PPP3CA: variants seen among roughly 807,000 people sequenced by gnomAD.
PPP3CA encodes the protein protein phosphatase 3 catalytic subunit alpha.
Under a neutral mutation model 66.5 loss-of-function variants are expected in PPP3CA, and 14 were observed. That is an observed-to-expected ratio of 0.21 (90% CI 0.14 to 0.33). The LOEUF (loss-of-function observed/expected upper bound fraction) is 0.33. Among genes scored for constraint, PPP3CA ranks in the 10% least tolerant of loss-of-function variants. The pLI is 1.00. For synonymous variants in PPP3CA, 232 were observed against 226.2 expected (o/e 1.03, Z -0.23); for missense variants, 317 against 639.5 (o/e 0.50, Z 5.44).
At chr4:101,211,784 A>T (rs1725307289) in intron 1 of PPP3CA, among the ~76,000 whole-genome samples, 1 of 152,198 alleles carries the variant, frequency 6.6e-6, no homozygotes, top group South Asian at 2.1e-4. Flanking sequence ...TTTAAAAAGC[A>T]TGTTAGTTAA....
At chr4:101,047,508 G>A (rs901235579) in intron 10 of PPP3CA, among the ~76,000 whole-genome samples, 6 of 152,136 alleles carry the variant, frequency 3.9e-5, no homozygotes, top group African/African-American at 1.2e-4. Flanking sequence ...AGAAAAGTCC[G>A]TGAATAAAAT....
At chr4:101,100,049 C>T (rs924248042) in intron 3 of PPP3CA, among the ~76,000 whole-genome samples, 4 of 151,760 alleles carry the variant, frequency 2.6e-5, no homozygotes, top group African/African-American at 9.7e-5. Context: ...AGGGAAGAAA[C>T]TTAACTAAAA....
chr4:101,270,801 A>G (rs1727314236), intron 1 of PPP3CA, among the ~76,000 whole-genome samples: 1 of 152,174 alleles, frequency 6.6e-6, no homozygotes, highest in Non-Finnish European at 1.5e-5. Context: ...GGTATATTTT[A>G]CATTCCAAAA....
chr4:101,080,497 A>T, intron 8 of PPP3CA, 35 bp downstream of exon 8: 1 of 1,138,326 alleles, frequency 8.8e-7, no homozygotes, highest in East Asian at 2.5e-5. Context: ...TACACATATT[A>T]TGTAAGACTG....
intron 10 of PPP3CA, among the ~76,000 whole-genome samples, chr4:101,042,250 A>C (rs1054380243): frequency 7.0e-6 from 1 of 142,612 alleles, no homozygotes; most frequent in African/African-American, 2.7e-5. Context: ...CTGGGTGGGT[A>C]ATCTTTCAGA....
intron 8 of PPP3CA, among the ~76,000 whole-genome samples, chr4:101,073,760 A>G (rs1052735184): frequency 1.2e-4 from 19 of 152,216 alleles, no homozygotes; most frequent in Non-Finnish European, 8.8e-5. Context: ...TATCAAATAA[A>G]TGAAGGAATG....
At chr4:101,072,275 A>G (rs1229041773) in intron 8 of PPP3CA, among the ~76,000 whole-genome samples, 1 of 152,216 alleles carries the variant, frequency 6.6e-6, no homozygotes. Flanking sequence ...TTTCTTATTG[A>G]AGAATGGTTA....
intron 13 of PPP3CA, among the ~76,000 whole-genome samples, chr4:101,027,526 A>G (rs1726714860): frequency 6.6e-6 from 1 of 152,190 alleles, no homozygotes; most frequent in Admixed American, 6.5e-5. Context: ...TTCTTCTCTA[A>G]TTTAGTAATA....
At chr4:101,229,980 T>A (rs1391949240) in intron 1 of PPP3CA, among the ~76,000 whole-genome samples, 3 of 151,602 alleles carry the variant, frequency 2.0e-5, no homozygotes, top group Admixed American at 6.6e-5. Flanking sequence ...TTGGAACCAT[T>A]TATCACCAGT....
At position 101,289,681 on chromosome 4, in the gene PPP3CA, AT is replaced by A. The variant is rs397879760; in HGVS notation, c.58+57057del. On this transcript the variant is annotated intron_variant, in intron 1 of 13. Coordinates refer to ENST00000394854, the MANE Select transcript of PPP3CA (RefSeq NM_000944.5). Reference sequence around the variant, plus strand: ...TAATTTAGTGTATACATTTTCATAGATTTTTTTATACATAATATATGCATAT... The same window carrying A: ...TAATTTAGTGTATACATTTTCATAGATTTTTTATACATAATATATGCATAT... Among the ~76,000 whole-genome samples the A allele has an allele frequency of 4.1e-3, 624 of 152,140 alleles. 7 individuals are homozygous for A. The highest frequency in any genetic ancestry group is 0.013 in the African/African-American group (547 of 41,510).
chr4:101,343,273 GGGT>G, intron 1 of PPP3CA, among the ~76,000 whole-genome samples: 1 of 152,126 alleles, frequency 6.6e-6, no homozygotes, highest in Non-Finnish European at 1.5e-5. Context: ...TTATCACATA[GGGT>G]TTAATTTCCT....
chr4:101,314,807 C>CTTCTGT (rs1728836264), intron 1 of PPP3CA, among the ~76,000 whole-genome samples: 1 of 151,866 alleles, frequency 6.6e-6, no homozygotes. Context: ...TATAAAAATT[C>CTTCTGT]TTCTGTTTCT....
chr4:101,176,110 T>C (rs1461445758), intron 2 of PPP3CA, among the ~76,000 whole-genome samples: 1 of 151,960 alleles, frequency 6.6e-6, no homozygotes, highest in African/African-American at 2.4e-5. Context: ...CCAAACATGA[T>C]GTAAGAAAGC....
At chr4:101,245,669 T>C (rs1726453376) in intron 1 of PPP3CA, among the ~76,000 whole-genome samples, 1 of 152,072 alleles carries the variant, frequency 6.6e-6, no homozygotes. Flanking sequence ...AAATCCTATA[T>C]TGGTTCCATC....
At chr4:101,026,713 T>C (rs1384999678) in intron 13 of PPP3CA, among the ~76,000 whole-genome samples, 1 of 151,428 alleles carries the variant, frequency 6.6e-6, no homozygotes, top group African/African-American at 2.4e-5. Flanking sequence ...GTGGAGTGAG[T>C]GACAAGGTAA....
rs529113521 is a variant in PPP3CA, at chr4:101,295,233, G to A, written c.58+51506C>T. On this transcript the variant is annotated intron_variant, in intron 1 of 13. Transcript: ENST00000394854. ...GGAGAATGGCGTGAACCCGGGAAGC[G>A]GAGCTTGCAGTGAGCCGAGATTGCG... is the stretch of plus-strand genomic sequence containing the variant. Among the ~76,000 whole-genome samples, 107 of 150,026 alleles carry A rather than the reference G, an allele frequency of 7.1e-4. 1 individual carries two copies. The highest frequency in any genetic ancestry group is 2.7e-4 in the Non-Finnish European group (18 of 67,586).
intron 2 of PPP3CA, among the ~76,000 whole-genome samples, chr4:101,111,770 T>C (rs1721678476): frequency 6.6e-6 from 1 of 152,180 alleles, no homozygotes; most frequent in Admixed American, 6.6e-5. Flanking sequence ...TATTGGGCTA[T>C]TGTAAGAATT....
intron 2 of PPP3CA, among the ~76,000 whole-genome samples, chr4:101,132,879 C>T (rs534874176): frequency 6.6e-6 from 1 of 152,152 alleles, no homozygotes; most frequent in Admixed American, 6.5e-5. Context: ...AATACAGCAG[C>T]ACATCAAAAA....
At chr4:101,307,809 A>G (rs1728594619) in intron 1 of PPP3CA, among the ~76,000 whole-genome samples, 3 of 152,210 alleles carry the variant, frequency 2.0e-5, no homozygotes, top group Admixed American at 2.0e-4. Flanking sequence ...GTAACCAAGG[A>G]GGTTATACTG....
Sources: allele counts gnomAD v4.1 joint callset (sites outside exome capture counted in the v4.1 genomes callset), GRCh38; gene constraint gnomAD v4.1.1; transcripts MANE v1.5; gene names NCBI Gene and HGNC (gene_info 2026-07-23, HGNC 2026-07-21).